Variants in ITGBL1 observed in about 807,000 individuals in gnomAD.
ITGBL1 encodes integrin subunit beta like 1.
ITGBL1 carries 51 observed loss-of-function variants against 68.5 expected under a neutral mutation model. The ratio of observed to expected loss-of-function variants is 0.74; its 90% CI spans 0.59 to 0.94. The LOEUF is 0.94. Ranked by LOEUF, ITGBL1 falls within the 40% of genes least tolerant of loss-of-function variation. The pLI, the probability that ITGBL1 is intolerant of heterozygous loss-of-function variation, is 0.00. For synonymous variants in ITGBL1, 209 were observed against 227.3 expected (o/e 0.92, Z 0.72); for missense variants, 649 against 647.4 (o/e 1.00, Z -0.03).
At chr13:101,576,977 G>A (rs2050373305) in intron 4 of ITGBL1, among the ~76,000 whole-genome samples, 1 of 143,988 alleles carries the variant, frequency 6.9e-6, no homozygotes, top group African/African-American at 2.6e-5. Context: ...GAAGAAGACG[G>A]GAACATGCTT....
At chr13:101,480,125 AC>A (rs2048596688) in intron 2 of ITGBL1, among the ~76,000 whole-genome samples, 1 of 151,640 alleles carries the variant, frequency 6.6e-6, no homozygotes, top group Non-Finnish European at 1.5e-5. Flanking sequence ...ACAGTGGAGT[AC>A]TATTCAGCCA....
chr13:101,543,012 AT>A (rs1258441948), intron 2 of ITGBL1, among the ~76,000 whole-genome samples: 1 of 152,040 alleles, frequency 6.6e-6, no homozygotes, highest in Non-Finnish European at 1.5e-5. Flanking sequence ...TCTTTATCCA[AT>A]TTGCCAGTCT....
chr13:101,532,083 C>T (rs2049493367), intron 2 of ITGBL1, among the ~76,000 whole-genome samples: 1 of 152,042 alleles, frequency 6.6e-6, no homozygotes, highest in Non-Finnish European at 1.5e-5. Context: ...ATACAACATG[C>T]ACATCTTAAA....
chr13:101,583,839 T>G (rs1463953729), intron 6 of ITGBL1, among the ~76,000 whole-genome samples: 1 of 152,196 alleles, frequency 6.6e-6, no homozygotes, highest in Non-Finnish European at 1.5e-5. Context: ...TTCCCAAAGT[T>G]GGCAAAGACT....
chr13:101,701,059 T>G (rs571722417), intron 8 of ITGBL1, among the ~76,000 whole-genome samples: 119 of 152,332 alleles, frequency 7.8e-4, no homozygotes, highest in African/African-American at 2.7e-3. Flanking sequence ...ATAGAAAATA[T>G]TTCTTGAAGA....
At chr13:101,653,241 A>G (rs1166971212) in intron 7 of ITGBL1, among the ~76,000 whole-genome samples, 1 of 140,860 alleles carries the variant, frequency 7.1e-6, no homozygotes, top group East Asian at 2.0e-4. Context: ...AATTTGTGCC[A>G]TTGACTAACT....
intron 2 of ITGBL1, among the ~76,000 whole-genome samples, chr13:101,508,244 A>G (rs2049056928): frequency 6.6e-6 from 1 of 152,230 alleles, no homozygotes; most frequent in Admixed American, 6.5e-5. Context: ...AGTACCTAAC[A>G]TTTTGCCAGG....
chr13:101,700,292 T>C (rs1187069284), intron 8 of ITGBL1, among the ~76,000 whole-genome samples: 2 of 152,196 alleles, frequency 1.3e-5, no homozygotes, highest in African/African-American at 2.4e-5. Flanking sequence ...TCACACTATT[T>C]CTTCTAGCTA....
At chr13:101,646,945 C>A (rs1251988970) in intron 7 of ITGBL1, among the ~76,000 whole-genome samples, 1 of 152,032 alleles carries the variant, frequency 6.6e-6, no homozygotes, top group African/African-American at 2.4e-5. Flanking sequence ...TGTATATAAT[C>A]CGTTAACAAG....
chr13:101,559,456 G>A (rs150431622), intron 2 of ITGBL1, among the ~76,000 whole-genome samples: 3 of 152,184 alleles, frequency 2.0e-5, no homozygotes, highest in Admixed American at 6.5e-5. Context: ...ATTTTAAATC[G>A]TGAAGTTCAA....
intron 2 of ITGBL1, among the ~76,000 whole-genome samples, chr13:101,546,342 T>C (rs1223437966): frequency 6.6e-6 from 1 of 152,136 alleles, no homozygotes; most frequent in Non-Finnish European, 1.5e-5. Context: ...AAACGATAGG[T>C]AGGGTTTATA....
At chr13:101,563,893 T>G (rs4335658) in intron 2 of ITGBL1, among the ~76,000 whole-genome samples, 16,920 of 151,726 alleles carry the variant, frequency 0.11, 1,607 homozygotes, top group African/African-American at 0.26. Context: ...CACCAAATCT[T>G]TAATAGAATA....
At chr13:101,682,303 G>A (rs572707536) in intron 7 of ITGBL1, among the ~76,000 whole-genome samples, 1 of 152,102 alleles carries the variant, frequency 6.6e-6, no homozygotes, top group East Asian at 1.9e-4. Flanking sequence ...TTATACTTTA[G>A]ATATACTGAC....
chr13:101,607,218 T>C (rs949296400), intron 7 of ITGBL1, among the ~76,000 whole-genome samples: 3 of 152,034 alleles, frequency 2.0e-5, no homozygotes, highest in Non-Finnish European at 2.9e-5. Flanking sequence ...GACGTATAAT[T>C]ATTATTCTTT....
intron 2 of ITGBL1, among the ~76,000 whole-genome samples, chr13:101,550,739 GC>G (rs1314924491): frequency 1.3e-5 from 2 of 152,164 alleles, no homozygotes; most frequent in African/African-American, 4.8e-5. Context: ...ATAAGTGTGT[GC>G]TTGTGGAAGA....
At position 101,580,445 on chromosome 13, in the gene ITGBL1, T is replaced by TTA. The variant is rs1555360012; in HGVS notation, c.727+1019_727+1020insAT. Among the ~76,000 whole-genome samples the TTA allele has an allele frequency of 7.1e-3, 1,077 of 151,210 alleles. 4 individuals carry two copies. The highest frequency in any genetic ancestry group is 0.012 in the Non-Finnish European group (782 of 67,798). ...TTTACCTTATGGTTTCTTTTTATTATTTATTATTATTATACTTTAAGTTCT... is the reference window on the plus strand; with the variant it reads ...TTTACCTTATGGTTTCTTTTTATTATTATTATTATTATTATACTTTAAGTTCT... On this transcript the variant is annotated intron_variant, in intron 5 of 10. Coordinates refer to ENST00000376180, the MANE Select transcript of ITGBL1 (RefSeq NM_004791.3).
chr13:101,603,938 A>G (rs1482241673), intron 7 of ITGBL1, among the ~76,000 whole-genome samples: 1 of 151,996 alleles, frequency 6.6e-6, no homozygotes, highest in Non-Finnish European at 1.5e-5. Context: ...AAGGGTTTAC[A>G]TTTGGTAAAA....
At chr13:101,555,248 T>C (rs1393480268) in intron 2 of ITGBL1, among the ~76,000 whole-genome samples, 4 of 152,212 alleles carry the variant, frequency 2.6e-5, no homozygotes, top group Non-Finnish European at 4.4e-5. Context: ...AACTTACACA[T>C]ACATGCATAT....
intron 8 of ITGBL1, among the ~76,000 whole-genome samples, chr13:101,694,841 T>A (rs1371787935): frequency 1.3e-5 from 2 of 152,232 alleles, no homozygotes; most frequent in East Asian, 3.8e-4. Flanking sequence ...CAGTCATCCT[T>A]GGCTTTAGAT....
Sources: allele counts gnomAD v4.1 joint callset (sites outside exome capture counted in the v4.1 genomes callset), GRCh38; gene constraint gnomAD v4.1.1; transcripts MANE v1.5; gene names NCBI Gene and HGNC (gene_info 2026-07-23, HGNC 2026-07-21).